Variants in DIP2C observed in about 807,000 individuals in gnomAD.
DIP2C encodes disco-interacting protein 2 homolog C.
In DIP2C, 33 loss-of-function variants were observed where a neutral mutation model predicts 192.4. The observed-to-expected ratio is 0.17, with a 90% CI of 0.13 to 0.23. The LOEUF is 0.23. DIP2C is among the 10% of genes least tolerant of loss of function. The probability of loss-of-function intolerance (pLI) is 1.00; values close to 1 mark genes in which losing one functional copy is unlikely to be tolerated. For missense variants in DIP2C, 1,537 were observed against 2,110.1 expected, an observed-to-expected ratio of 0.73 and a Z score of 5.32; for synonymous variants, 979 against 864.1, an observed-to-expected ratio of 1.13 and a Z score of -2.33.
intron 1 of DIP2C, among the ~76,000 whole-genome samples, chr10:590,404 C>T (rs76897879): frequency 0.034 from 5,248 of 152,362 alleles, 138 homozygotes; most frequent in Non-Finnish European, 0.051. Context: ...CCACACTGAG[C>T]ATCTTCTCCC....
intron 1 of DIP2C, among the ~76,000 whole-genome samples, chr10:568,700 A>G (rs1304483494): frequency 7.7e-6 from 1 of 129,586 alleles, no homozygotes. Flanking sequence ...CGGGAGGCGG[A>G]GCTTGCAGTG....
chr10:657,862 A>C (rs1413310666), intron 1 of DIP2C, among the ~76,000 whole-genome samples: 37 of 94,368 alleles, frequency 3.9e-4, no homozygotes, highest in African/African-American at 5.7e-4. Context: ...GCTGGACCTG[A>C]TGCTGGACCT....
intron 7 of DIP2C, among the ~76,000 whole-genome samples, chr10:415,196 A>T (rs1965549266): frequency 6.6e-6 from 1 of 152,148 alleles, no homozygotes; most frequent in Admixed American, 6.5e-5. Context: ...CCATTTCTGG[A>T]ACAGACTTGT....
At chr10:535,684 TACAG>T (rs1272203517) in intron 1 of DIP2C, among the ~76,000 whole-genome samples, 2 of 152,200 alleles carry the variant, frequency 1.3e-5, no homozygotes, top group Admixed American at 6.5e-5. Flanking sequence ...GATGCAATGT[TACAG>T]TCTGATCATA....
At chr10:615,626 C>A (rs1443232957) in intron 1 of DIP2C, among the ~76,000 whole-genome samples, 2 of 141,734 alleles carry the variant, frequency 1.4e-5, no homozygotes, top group African/African-American at 6.3e-5. Context: ...CACACACACA[C>A]CCGCCCCACA....
At chr10:309,559 TC>T (rs150247373) in intron 32 of DIP2C, among the ~76,000 whole-genome samples, 1 of 147,684 alleles carries the variant, frequency 6.8e-6, no homozygotes, top group Admixed American at 6.6e-5. Flanking sequence ...CAACAGAGTT[TC>T]TTTTTTTTTT....
intron 1 of DIP2C, among the ~76,000 whole-genome samples, chr10:597,894 T>A (rs573568672): frequency 3.0e-4 from 46 of 152,316 alleles, no homozygotes; most frequent in Admixed American, 1.6e-3. Flanking sequence ...CCAGGAGGTC[T>A]GAACGTGGAC....
intron 5 of DIP2C, among the ~76,000 whole-genome samples, chr10:419,716 A>T (rs1161592932): frequency 6.6e-6 from 1 of 152,164 alleles, no homozygotes; most frequent in Non-Finnish European, 1.5e-5. Flanking sequence ...ACACGTATAC[A>T]GTTCATAGGA....
chr10:577,804 GTTTCT>G (rs1358326786), intron 1 of DIP2C, among the ~76,000 whole-genome samples: 23 of 149,450 alleles, frequency 1.5e-4, no homozygotes, highest in African/African-American at 5.3e-4. Flanking sequence ...GTTTTGTTTT[GTTTCT>G]TTTGTTTTTT....
At chr10:579,166 T>C (rs1850397041) in intron 1 of DIP2C, among the ~76,000 whole-genome samples, 1 of 151,306 alleles carries the variant, frequency 6.6e-6, no homozygotes, top group African/African-American at 2.4e-5. Context: ...AGATACAGTG[T>C]ACAAACCTAA....
intron 29 of DIP2C, among the ~76,000 whole-genome samples, chr10:339,625 G>C (rs1958045532): frequency 6.6e-6 from 1 of 152,098 alleles, no homozygotes. Context: ...CCGTTGTTCA[G>C]AACAGACCTC....
rs983064873 is a variant in DIP2C at position 597,701 on chromosome 10, C to T, written c.85+91793G>A. Reference sequence around the variant, plus strand: ...ATAAAAGTAGGCCTACTAACAATTACGTAAGTCTTCAGAGGCTCCTGAACT... The same window carrying T: ...ATAAAAGTAGGCCTACTAACAATTATGTAAGTCTTCAGAGGCTCCTGAACT... On this transcript the variant is annotated intron_variant, in intron 1 of 36. Transcript: ENST00000280886. Among the ~76,000 whole-genome samples the T allele has an allele frequency of 3.3e-5, 5 of 152,224 alleles. 1 individual carries two copies. The highest frequency in any genetic ancestry group is 2.0e-4 in the Admixed American group (3 of 15,278).
chr10:413,739 C>T (rs780068296), intron 8 of DIP2C, among the ~76,000 whole-genome samples, 174 bp downstream of exon 8: 6 of 151,456 alleles, frequency 4.0e-5, no homozygotes, highest in Admixed American at 6.6e-5. Context: ...AGGATTTAAA[C>T]AGACACTGAG....
At chr10:581,875 G>C (rs905196714) in intron 1 of DIP2C, among the ~76,000 whole-genome samples, 3 of 152,160 alleles carry the variant, frequency 2.0e-5, no homozygotes, top group Non-Finnish European at 4.4e-5. Flanking sequence ...TGTTAGGCCA[G>C]CTGTCCCCAG....
chr10:603,298 CAAAAAAAAAAAAAAAAAAA>C (rs71376842), intron 1 of DIP2C, among the ~76,000 whole-genome samples: 17 of 45,882 alleles, frequency 3.7e-4, no homozygotes, highest in South Asian at 1.4e-3. Context: ...GACTCCATCT[CAAAAAAAAAAAAAAAAAAA>C]AAAAAAAAAA....
At chr10:475,698 G>A (rs531361373) in intron 2 of DIP2C, among the ~76,000 whole-genome samples, 27 of 152,312 alleles carry the variant, frequency 1.8e-4, no homozygotes, top group African/African-American at 6.0e-4. Context: ...GCAATAAGAC[G>A]GCAAAAGAAA....
intron 1 of DIP2C, among the ~76,000 whole-genome samples, chr10:581,022 A>G (rs751293648): frequency 2.0e-3 from 303 of 152,324 alleles, no homozygotes; most frequent in Middle Eastern, 0.01. Flanking sequence ...CTGGCAGATT[A>G]TTCATTTTCT....
intron 1 of DIP2C, among the ~76,000 whole-genome samples, chr10:490,506 G>A (rs895064818): frequency 4.6e-5 from 7 of 152,256 alleles, no homozygotes; most frequent in East Asian, 1.9e-4. Context: ...GTCAACTCCC[G>A]TCTCCGGGGA....
At chr10:349,064 C>T (rs753454308) in intron 25 of DIP2C, among the ~76,000 whole-genome samples, 3 of 152,218 alleles carry the variant, frequency 2.0e-5, no homozygotes, top group Non-Finnish European at 1.5e-5. Flanking sequence ...AAGTGAATTA[C>T]CTGAGGTATC....
Sources: allele counts gnomAD v4.1 joint callset (sites outside exome capture counted in the v4.1 genomes callset), GRCh38; gene constraint gnomAD v4.1.1; transcripts MANE v1.5; gene names NCBI Gene and HGNC (gene_info 2026-07-23, HGNC 2026-07-21).